Variants in ICA1 observed in about 807,000 individuals in gnomAD.
ICA1 encodes 69 kDa islet cell autoantigen.
In ICA1, 40 loss-of-function variants were observed where a neutral mutation model predicts 71.0. The ratio of observed to expected loss-of-function variants is 0.56; its 90% CI spans 0.44 to 0.73. The LOEUF (loss-of-function observed/expected upper bound fraction) is 0.73, where lower values mean the gene tolerates loss of function less well. Ranked by LOEUF, ICA1 falls within the 30% of genes least tolerant of loss-of-function variation. The pLI is 0.00. For missense variants in ICA1, 578 were observed against 576.5 expected, an observed-to-expected ratio of 1.00 and a Z score of -0.03; for synonymous variants, 207 against 209.5, an observed-to-expected ratio of 0.99 and a Z score of 0.10.
Position 8,220,326 on chromosome 7 carries a change from T to C in ICA1, c.380+949A>G, listed in dbSNP as rs1453270421. Among the ~76,000 whole-genome samples the C allele has an allele frequency of 3.9e-5, 6 of 152,320 alleles. No homozygotes were observed. In the East Asian group the frequency reaches 7.7e-4, roughly 20 times the overall value. ...AAAACAGACACAGCAGGTCTCTTTT[T>C]TCCTCCTCTTTCTTGGGTTTTCAAA... On this transcript the variant is annotated intron_variant, in intron 5 of 13. Transcript: ENST00000402384.
intron 1 of ICA1, among the ~76,000 whole-genome samples, chr7:8,255,747 A>C (rs1298233634): frequency 1.3e-5 from 2 of 150,980 alleles, no homozygotes; most frequent in African/African-American, 4.9e-5. Flanking sequence ...AAATGTACTG[A>C]ATGGCCTAAG....
intron 4 of ICA1, among the ~76,000 whole-genome samples, chr7:8,225,097 G>A (rs1342392853): frequency 6.6e-6 from 1 of 152,126 alleles, no homozygotes; most frequent in Admixed American, 6.5e-5. Flanking sequence ...GGGAATACAT[G>A]AGACAATGCA....
chr7:8,197,450 G>A (rs1585126041), intron 6 of ICA1, among the ~76,000 whole-genome samples: 1 of 150,682 alleles, frequency 6.6e-6, no homozygotes, highest in African/African-American at 2.4e-5. Context: ...CTACTCGGGA[G>A]ACTGGGGCAG....
chr7:8,253,429 T>C (rs905842297), intron 1 of ICA1, among the ~76,000 whole-genome samples: 5 of 152,130 alleles, frequency 3.3e-5, no homozygotes, highest in African/African-American at 1.2e-4. Context: ...GAAGTAAAAA[T>C]GTAAGGACAA....
chr7:8,201,298 G>C (rs1055557566), intron 6 of ICA1, among the ~76,000 whole-genome samples: 3 of 152,174 alleles, frequency 2.0e-5, no homozygotes, highest in African/African-American at 7.2e-5. Flanking sequence ...CTTTTTAAAG[G>C]ATTAGAAAGT....
chr7:8,117,065 G>C (rs1166579102), intron 13 of ICA1, among the ~76,000 whole-genome samples: 1 of 152,138 alleles, frequency 6.6e-6, no homozygotes, highest in Non-Finnish European at 1.5e-5. Flanking sequence ...ATTCTCGCGA[G>C]ATCTGATGGT....
chr7:8,113,723 T>C lies in ICA1; in HGVS notation c.*200A>G, dbSNP rs1783860609. ...TCTAGACAATCCTGTATTATTTAGA[T>C]CCACATAGAGATACACGAAAACCCT... On this transcript the variant is annotated 3_prime_UTR_variant, in exon 14 of 14. Coordinates refer to ENST00000402384, the MANE Select transcript of ICA1 (RefSeq NM_001136020.3). The surrounding 1 kb of genome is among the most constrained non-coding windows in gnomAD (Gnocchi z 4.2). 1.9e-6 allele frequency: 1 copy of C among 538,824 alleles called. No individual in the cohort carries two copies. The highest frequency in any genetic ancestry group is 3.3e-6 in the Non-Finnish European group (1 of 306,798). 33.4% of individuals were successfully genotyped at this position (538,824 alleles called of 1,614,324 possible). A position where few individuals can be genotyped will look rare whatever the true frequency, so the allele number is the denominator to read the frequency against.
At chr7:8,219,365 T>C (rs754710647) in intron 5 of ICA1, among the ~76,000 whole-genome samples, 4 of 152,256 alleles carry the variant, frequency 2.6e-5, no homozygotes, top group African/African-American at 7.2e-5. Flanking sequence ...TAAATTTCAA[T>C]TTAAATGCAA....
chr7:8,138,479 G>A (rs796394176), intron 12 of ICA1, among the ~76,000 whole-genome samples: 11 of 152,320 alleles, frequency 7.2e-5, no homozygotes, highest in African/African-American at 2.4e-4. Context: ...CCCAGGCTTA[G>A]AGAGTTTAAG....
At chr7:8,152,575 C>T (rs979680168) in intron 8 of ICA1, among the ~76,000 whole-genome samples, 58 of 120,202 alleles carry the variant, frequency 4.8e-4, no homozygotes, top group African/African-American at 1.4e-3. Flanking sequence ...ACCACCACCA[C>T]CATCTCCTTC....
chr7:8,151,078 G>A lies in ICA1; in HGVS notation c.804+6038C>T, dbSNP rs552998141. The stretch of plus-strand genomic sequence containing the variant: ...GATTCACTTTCTATATGTCAGTGCT[G>A]AACCTAGCAGTACTATTAATTACAA... On this transcript the variant is annotated intron_variant, in intron 8 of 13. Coordinates refer to ENST00000402384, the MANE Select transcript of ICA1 (RefSeq NM_001136020.3). Among the ~76,000 whole-genome samples, 118 of 152,368 alleles carry A rather than the reference G, an allele frequency of 7.7e-4. 1 individual carries two copies. The highest frequency in any genetic ancestry group is 2.8e-3 in the African/African-American group (115 of 41,580).
intron 13 of ICA1, among the ~76,000 whole-genome samples, chr7:8,118,766 C>G (rs1785620064): frequency 6.6e-6 from 1 of 152,156 alleles, no homozygotes; most frequent in African/African-American, 2.4e-5. Context: ...ACCCAAGACC[C>G]ACCTGTCCCC....
chr7:8,145,623 A>T (rs1425148252), intron 8 of ICA1, among the ~76,000 whole-genome samples: 1 of 151,918 alleles, frequency 6.6e-6, no homozygotes, highest in African/African-American at 2.4e-5. Flanking sequence ...AACATAATAG[A>T]ACCACATGCA....
chr7:8,210,709 AT>A (rs1015066288), intron 6 of ICA1, among the ~76,000 whole-genome samples: 3 of 151,946 alleles, frequency 2.0e-5, no homozygotes, highest in Non-Finnish European at 4.4e-5. Flanking sequence ...AAGGAAAAAA[AT>A]TTTTTTTAAT....
intron 5 of ICA1, among the ~76,000 whole-genome samples, chr7:8,220,652 TA>T (rs3837120): frequency 0.1 from 15,562 of 151,088 alleles, 1,131 homozygotes; most frequent in East Asian, 0.31. Context: ...ACGGTTGTGT[TA>T]AAAAAAAATG....
intron 9 of ICA1, among the ~76,000 whole-genome samples, chr7:8,143,096 C>T (rs904622062): frequency 2.6e-5 from 4 of 152,118 alleles, no homozygotes; most frequent in African/African-American, 9.7e-5. Context: ...AGAATAGAAA[C>T]GAGGCCATCC....
chr7:8,115,047 A>T (rs557424498), intron 13 of ICA1: 1 of 152,366 alleles, frequency 6.6e-6, no homozygotes, highest in East Asian at 1.9e-4. Context: ...TTATATCAGT[A>T]TAAACAGGGC....
At chr7:8,258,610 C>G (rs1811104409) in intron 1 of ICA1, among the ~76,000 whole-genome samples, 1 of 152,180 alleles carries the variant, frequency 6.6e-6, no homozygotes, top group South Asian at 2.1e-4. Flanking sequence ...GTTCAGTTAT[C>G]TTAAGCAACT....
rs779488002 is a variant in ICA1, at chr7:8,157,698, T to TTCTTG, written c.706-485_706-484insCAAGA. The stretch of plus-strand genomic sequence containing the variant: ...GAAGACAAGGAACCTAGTCTTAATT[T>TTCTTG]TTTTTTTTTTTTTTGAGATGGAGTC... On this transcript the variant is annotated intron_variant, in intron 7 of 13. Coordinates refer to ENST00000402384, the MANE Select transcript of ICA1 (RefSeq NM_001136020.3). The TTCTTG allele has an allele frequency of 3.7e-5, 5 of 136,576 alleles. No homozygotes were observed. The South Asian group carries it at 1.2e-3, about 33-fold the overall frequency. The allele number at this position is 136,576 out of a possible 1,614,324, so 8.5% of individuals were successfully genotyped here.
Sources: allele counts gnomAD v4.1 joint callset (sites outside exome capture counted in the v4.1 genomes callset), GRCh38; gene constraint gnomAD v4.1.1; non-coding constraint Gnocchi (gnomAD v3.1); transcripts MANE v1.5; gene names NCBI Gene and HGNC (gene_info 2026-07-23, HGNC 2026-07-21).